Variants in TTC3 observed in about 807,000 individuals in gnomAD.
The protein encoded by TTC3 is E3 ubiquitin-protein ligase TTC3.
In TTC3, 180 loss-of-function variants were observed where a neutral mutation model predicts 249.6. That is an observed-to-expected ratio of 0.72 (90% CI 0.64 to 0.82). The LOEUF (loss-of-function observed/expected upper bound fraction) is 0.82. Among genes scored for constraint, TTC3 ranks in the 40% least tolerant of loss-of-function variants. The pLI, the probability that TTC3 is intolerant of heterozygous loss-of-function variation, is 0.00. For missense variants in TTC3, 2,061 were observed against 2,398.4 expected, an observed-to-expected ratio of 0.86 and a Z score of 2.94; for synonymous variants, 717 against 805.0, an observed-to-expected ratio of 0.89 and a Z score of 1.85.
At position 37,121,811 on chromosome 21, in the gene TTC3, G is replaced by A. The variant is rs2076606420; in HGVS notation, c.901-6G>A. 6.4e-7 allele frequency: 1 copy of A among 1,552,848 alleles called. No individual in the cohort carries two copies. Among genetic ancestry groups the A allele is most frequent in the Non-Finnish European group, 8.7e-7 (1 of 1,154,726 alleles). On this transcript the variant is annotated splice_region_variant and splice_polypyrimidine_tract_variant and intron_variant, in intron 11 of 45. Coordinates refer to ENST00000355666, the Ensembl canonical transcript of TTC3. ...AGAAAAAATTAAATTTATCTTTTTG[G>A]AACAGGGTCATTATCGTTATTGTGA...
intron 1 of TTC3, among the ~76,000 whole-genome samples, chr21:37,074,447 T>C (rs902384961): frequency 6.6e-6 from 1 of 152,216 alleles, no homozygotes; most frequent in Admixed American, 6.5e-5. Context: ...TGCAGAGACC[T>C]TTCAAAATAT....
At chr21:37,134,321 T>G (rs997188833) in intron 17 of TTC3, among the ~76,000 whole-genome samples, 1 of 151,958 alleles carries the variant, frequency 6.6e-6, no homozygotes, top group Non-Finnish European at 1.5e-5. Flanking sequence ...TGTGGTGGCG[T>G]GCACCTGTAG....
At chr21:37,077,857 A>G (rs1291135584) in intron 1 of TTC3, among the ~76,000 whole-genome samples, 6 of 152,064 alleles carry the variant, frequency 3.9e-5, no homozygotes. Flanking sequence ...TCTACTGTTT[A>G]TGGTGTATTT....
chr21:37,101,932 T>TATA (rs2074546647), intron 10 of TTC3, among the ~76,000 whole-genome samples: 1 of 134,118 alleles, frequency 7.5e-6, no homozygotes, highest in Admixed American at 7.4e-5. Flanking sequence ...ATATATATAT[T>TATA]AGTTTATATT....
intron 11 of TTC3, among the ~76,000 whole-genome samples, chr21:37,119,583 T>G (rs2076422240): frequency 6.6e-6 from 1 of 152,180 alleles, no homozygotes; most frequent in South Asian, 2.1e-4. Context: ...CTCCCGCTTC[T>G]GTCTCCTTAA....
At chr21:37,074,019 A>G (rs8128474) in intron 1 of TTC3, among the ~76,000 whole-genome samples, 74,183 of 150,960 alleles carry the variant, frequency 0.49, 18,798 homozygotes, top group Non-Finnish European at 0.56. Flanking sequence ...TCGAGTGGGT[A>G]TCTCTTGTGT....
intron 23 of TTC3, 95 bp from the exon 24 acceptor site, chr21:37,149,983 T>A (rs1396774205): frequency 1.1e-6 from 1 of 881,856 alleles, no homozygotes; most frequent in South Asian, 1.8e-5. Context: ...AGTCCGTATT[T>A]TGACTGTTCC....
At chr21:37,159,527 G>A (rs1233923659) in intron 28 of TTC3, 172 bp from the exon 29 acceptor site, 8 of 616,428 alleles carry the variant, frequency 1.3e-5, no homozygotes, top group African/African-American at 3.8e-5. Context: ...TTGGTTTCCC[G>A]TTTAGTCAGC....
intron 20 of TTC3, 126 bp from the exon 21 acceptor site, chr21:37,144,399 A>T: frequency 1.7e-6 from 2 of 1,148,434 alleles, no homozygotes; most frequent in Non-Finnish European, 2.4e-6. Context: ...GGTTACATTG[A>T]ATATTGCTGT....
At position 37,088,347 on chromosome 21, in the gene TTC3, G is replaced by GT. The variant is rs1474785932; in HGVS notation, c.338+2dup. On this transcript the variant is annotated splice_donor_variant, in intron 4 of 45. Coordinates refer to ENST00000355666, the Ensembl canonical transcript of TTC3. LOFTEE classifies it high-confidence loss of function. ...GATTGCATCCCTGTGTGGACGCCAA[G>GT]TAAGTTACTATATGTTGCTCATTTT... is the stretch of plus-strand genomic sequence containing the variant. 5 of 1,610,774 alleles carry GT rather than the reference G, an allele frequency of 3.1e-6. No homozygotes were observed. Among genetic ancestry groups the GT allele is most frequent in the Non-Finnish European group, 3.4e-6 (4 of 1,178,062 alleles).
chr21:37,104,482 C>G (rs542656340), intron 10 of TTC3, among the ~76,000 whole-genome samples: 65 of 149,884 alleles, frequency 4.3e-4, no homozygotes, highest in African/African-American at 1.2e-3. Flanking sequence ...CTCAGTTACT[C>G]GGGAGGCTGA....
At chr21:37,109,290 G>A (rs990417664) in intron 11 of TTC3, among the ~76,000 whole-genome samples, 21 of 152,202 alleles carry the variant, frequency 1.4e-4, no homozygotes, top group African/African-American at 4.8e-4. Flanking sequence ...AGCGCAAGGG[G>A]TCAGGGAATT....
intron 1 of TTC3, among the ~76,000 whole-genome samples, chr21:37,074,049 G>T (rs2070444733): frequency 6.6e-6 from 1 of 152,224 alleles, no homozygotes; most frequent in Non-Finnish European, 1.5e-5. Context: ...GTTGGTGAGC[G>T]TGAACGTTCG....
chr21:37,142,080 AG>A (rs1379111140), intron 20 of TTC3, among the ~76,000 whole-genome samples: 2 of 152,182 alleles, frequency 1.3e-5, no homozygotes, highest in African/African-American at 4.8e-5. Flanking sequence ...TCAATAAATT[AG>A]GTATTGATGG....
intron 11 of TTC3, among the ~76,000 whole-genome samples, chr21:37,120,583 A>G (rs1207851627): frequency 6.6e-6 from 1 of 152,168 alleles, no homozygotes; most frequent in Non-Finnish European, 1.5e-5. Context: ...TTGTCTTCTT[A>G]TACTTTAGGT....
intron 1 of TTC3, among the ~76,000 whole-genome samples, chr21:37,075,288 ATATT>A (rs1371710803): frequency 6.6e-6 from 1 of 151,998 alleles, no homozygotes; most frequent in African/African-American, 2.4e-5. Flanking sequence ...TGAATATACC[ATATT>A]TATTTATACA....
chr21:37,143,122 T>A (rs1601746434), intron 20 of TTC3, among the ~76,000 whole-genome samples: 1 of 152,280 alleles, frequency 6.6e-6, no homozygotes, highest in African/African-American at 2.4e-5. Flanking sequence ...CTTCAATGTT[T>A]GACCTAAAAC....
At chr21:37,187,467 T>G (rs901134610) in intron 38 of TTC3, among the ~76,000 whole-genome samples, 2 of 152,252 alleles carry the variant, frequency 1.3e-5, no homozygotes, top group African/African-American at 2.4e-5. Context: ...AATCAAGTGA[T>G]GTACCATGAA....
chr21:37,151,627 A>G (rs1338964066), intron 25 of TTC3, among the ~76,000 whole-genome samples: 1 of 152,154 alleles, frequency 6.6e-6, no homozygotes, highest in Non-Finnish European at 1.5e-5. Context: ...TGTTTACCCT[A>G]TGAAGTAACT....
Sources: gnomAD v4.1 joint callset for allele counts (sites outside exome capture counted in the v4.1 genomes callset) on GRCh38, gnomAD v4.1.1 for gene constraint, MANE v1.5 for transcripts, NCBI Gene and HGNC (gene_info 2026-07-23, HGNC 2026-07-21) for gene names.